SCAPER: variants seen among roughly 807,000 people sequenced by gnomAD.
SCAPER encodes the protein S-phase cyclin A associated protein in the ER, also known as S phase cyclin A-associated protein in the endoplasmic reticulum.
Under a neutral mutation model 182.2 loss-of-function variants are expected in SCAPER, and 98 were observed. The observed-to-expected ratio is 0.54, with a 90% CI of 0.46 to 0.64. The LOEUF is 0.64. Among genes scored for constraint, SCAPER ranks in the 30% least tolerant of loss-of-function variants. SCAPER has a pLI of 0.00. For missense variants in SCAPER, 1,432 were observed against 1,690.0 expected (o/e 0.85, Z 2.68); for synonymous variants, 605 against 564.6 (o/e 1.07, Z -1.01).
intron 24 of SCAPER, among the ~76,000 whole-genome samples, chr15:76,477,958 G>C (rs1359902455): frequency 1.4e-5 from 2 of 146,160 alleles, no homozygotes; most frequent in African/African-American, 5.0e-5. Flanking sequence ...AGTTTTTTTT[G>C]GTCATAAATA....
intron 17 of SCAPER, among the ~76,000 whole-genome samples, chr15:76,726,237 T>C (rs898479824): frequency 1.4e-5 from 2 of 146,546 alleles, no homozygotes; most frequent in Non-Finnish European, 3.0e-5. Context: ...CCCAAAAATA[T>C]AAAGAAATGG....
chr15:76,460,480 T>C (rs979587690), intron 25 of SCAPER, among the ~76,000 whole-genome samples: 1 of 152,140 alleles, frequency 6.6e-6, no homozygotes, highest in Admixed American at 6.6e-5. Context: ...TTTCTAAATA[T>C]AAGATCATGC....
chr15:76,634,714 G>A (rs562056915), intron 21 of SCAPER, among the ~76,000 whole-genome samples: 2 of 152,222 alleles, frequency 1.3e-5, no homozygotes, highest in Admixed American at 1.3e-4. Context: ...ATTGCCAAAT[G>A]TAATTGCTTT....
intron 8 of SCAPER, among the ~76,000 whole-genome samples, chr15:76,783,783 A>C (rs541726187): frequency 2.0e-5 from 3 of 152,276 alleles, no homozygotes; most frequent in South Asian, 2.1e-4. Context: ...AAAAGACAAA[A>C]ACCGCAATTA....
chr15:76,729,323 C>T (rs2060782217), intron 16 of SCAPER, among the ~76,000 whole-genome samples: 1 of 151,372 alleles, frequency 6.6e-6, no homozygotes, highest in Admixed American at 6.6e-5. Context: ...CACACACACA[C>T]ACATATACAT....
At chr15:76,672,595 A>G (rs1049935814) in intron 20 of SCAPER, among the ~76,000 whole-genome samples, 4 of 152,194 alleles carry the variant, frequency 2.6e-5, no homozygotes, top group Non-Finnish European at 5.9e-5. Flanking sequence ...CAGAAGATGT[A>G]TAAGAGTAAA....
chr15:76,744,581 G>A (rs920673301), intron 15 of SCAPER, among the ~76,000 whole-genome samples: 3 of 152,064 alleles, frequency 2.0e-5, no homozygotes, highest in Admixed American at 2.0e-4. Context: ...ATCACAATGA[G>A]ATACCATCTC....
In SCAPER at chr15:76,574,216, T is replaced by G. The variant is rs1225285675; in HGVS notation, c.2780A>C (p.Asn927Thr). The change falls in exon 23 of 32, where the codon AAT becomes ACT. Residue 927 changes from asparagine (N) to threonine (T), a missense_variant. Physicochemically the swap from Asn to Thr is moderately conservative, Grantham distance 65 (BLOSUM62 0). Around this residue, in one of 5 missense-constraint regions of SCAPER, gnomAD observed 718 missense variants for 799.7 expected, o/e 0.90. Transcript: ENST00000563290. ...QVQDSGSWAN[N>T]KVSALDRTLG... is the part of the protein sequence containing the mutation. ...GGTCCGATCCAAAGCAGACACTTTATTGTTTGCCCATGAGCCACTGTCTTG... is the reference window on the plus strand; with the variant it reads ...GGTCCGATCCAAAGCAGACACTTTAGTGTTTGCCCATGAGCCACTGTCTTG... 1.1e-5 allele frequency: 18 copies of G among 1,611,526 alleles called. No homozygotes were observed. The highest frequency in any genetic ancestry group is 1.4e-5 in the Non-Finnish European group (17 of 1,178,906).
chr15:76,809,581 C>T (rs969237065), intron 5 of SCAPER, among the ~76,000 whole-genome samples: 4 of 151,722 alleles, frequency 2.6e-5, no homozygotes, highest in African/African-American at 4.8e-5. Flanking sequence ...GAAAAAATGA[C>T]AAAGAGTAAA....
chr15:76,627,094 T>C (rs1258442233), intron 21 of SCAPER, among the ~76,000 whole-genome samples: 3 of 152,182 alleles, frequency 2.0e-5, no homozygotes, highest in African/African-American at 7.2e-5. Context: ...TGGTGTAGTG[T>C]TGTACACTGC....
chr15:76,660,008 A>G (rs947286182), intron 21 of SCAPER, among the ~76,000 whole-genome samples: 1 of 152,214 alleles, frequency 6.6e-6, no homozygotes, highest in East Asian at 1.9e-4. Flanking sequence ...TATCAATGGG[A>G]GAGTGGACAA....
intron 25 of SCAPER, among the ~76,000 whole-genome samples, chr15:76,468,550 C>T (rs17364076): frequency 0.4 from 60,159 of 151,874 alleles, 14,158 homozygotes; most frequent in Middle Eastern, 0.56. Flanking sequence ...GATCAAGGTA[C>T]CCACAAGCTC....
At chr15:76,456,057 T>A (rs950950170) in intron 25 of SCAPER, among the ~76,000 whole-genome samples, 1 of 152,250 alleles carries the variant, frequency 6.6e-6, no homozygotes, top group South Asian at 2.1e-4. Flanking sequence ...ATTTTCTTTA[T>A]CCAGTCTATC....
At chr15:76,904,225 T>C (rs781301125) in intron 1 of SCAPER, among the ~76,000 whole-genome samples, 54 of 152,286 alleles carry the variant, frequency 3.5e-4, no homozygotes, top group Non-Finnish European at 6.3e-4. Context: ...GCTGGTGATC[T>C]AAGGCAAGTA....
At chr15:76,743,485 T>G (rs969083142) in intron 15 of SCAPER, among the ~76,000 whole-genome samples, 9 of 152,118 alleles carry the variant, frequency 5.9e-5, no homozygotes, top group African/African-American at 2.2e-4. Flanking sequence ...CAAAAATCAG[T>G]AGCATTTCTA....
intron 5 of SCAPER, among the ~76,000 whole-genome samples, chr15:76,819,168 C>T (rs915474374): frequency 6.6e-6 from 1 of 152,224 alleles, no homozygotes; most frequent in Non-Finnish European, 1.5e-5. Flanking sequence ...GGGCAGGGCA[C>T]AGACAAACAA....
At chr15:76,818,847 G>T (rs1207527334) in intron 5 of SCAPER, among the ~76,000 whole-genome samples, 1 of 152,238 alleles carries the variant, frequency 6.6e-6, no homozygotes, top group Non-Finnish European at 1.5e-5. Flanking sequence ...GTCAAAGAAA[G>T]GGGTGACAGA....
At chr15:76,782,758 GA>G (rs2064251229) in intron 8 of SCAPER, among the ~76,000 whole-genome samples, 1 of 152,076 alleles carries the variant, frequency 6.6e-6, no homozygotes, top group Admixed American at 6.6e-5. Context: ...CATGGAAACA[GA>G]ACAACCTGCT....
chr15:76,657,885 T>C (rs1159636732), intron 21 of SCAPER, among the ~76,000 whole-genome samples: 2 of 152,184 alleles, frequency 1.3e-5, no homozygotes, highest in East Asian at 3.9e-4. Flanking sequence ...TTAAAAACCT[T>C]CAACAAACTA....
Sources: allele counts gnomAD v4.1 joint callset (sites outside exome capture counted in the v4.1 genomes callset), GRCh38; gene constraint gnomAD v4.1.1; regional missense constraint gnomAD v4.1.1; transcripts MANE v1.5; gene names NCBI Gene and HGNC (gene_info 2026-07-23, HGNC 2026-07-21).